GTSE1: variants seen among roughly 807,000 people sequenced by gnomAD.
GTSE1 encodes G2 and S phase-expressed protein 1.
Under a neutral mutation model 60.5 loss-of-function variants are expected in GTSE1, and 52 were observed. That is an observed-to-expected ratio of 0.86 (90% CI 0.69 to 1.08). The LOEUF is 1.08. Among genes scored for constraint, GTSE1 ranks in the 50% least tolerant of loss-of-function variants. The pLI is 0.00. For missense variants in GTSE1, 937 were observed against 961.8 expected, an observed-to-expected ratio of 0.97 and a Z score of 0.34; for synonymous variants, 368 against 386.5, an observed-to-expected ratio of 0.95 and a Z score of 0.56.
rs1024302071 is a variant in GTSE1, at chr22:46,317,715, G to T, written c.1432+1303G>T. On this transcript the variant is annotated intron_variant, in intron 7 of 11. Transcript: ENST00000454366. This position sits in a 1 kb window ranked among gnomAD's most constrained non-coding sequence, Gnocchi z 5.6. ...TTTATGCTTTGAAGTGGTGGGTCTA[G>T]CATAGCCTTTCCGCCTCCCGCCACC... is the stretch of plus-strand genomic sequence containing the variant. 2.6e-5 allele frequency among the ~76,000 whole-genome samples: 4 copies of T among 152,202 alleles called. No individual in the cohort carries two copies. Among genetic ancestry groups the T allele is most frequent in the African/African-American group, 9.6e-5 (4 of 41,452 alleles).
Position 46,328,803 on chromosome 22 carries a change from G to A in GTSE1, c.1840G>A (p.Glu614Lys), listed in dbSNP as rs772946279. The change falls in exon 10 of 12, where the codon GAA (glutamate) becomes AAA (lysine). Residue 614 changes from glutamate to lysine, a missense_variant. Glu to Lys is a moderately conservative substitution (Grantham distance 56). Coordinates refer to ENST00000454366, the MANE Select transcript of GTSE1 (RefSeq NM_016426.7). ...TCAGGCACTTAACTTTTCTCCAGAG[G>A]AAAGCGATTCTACTTTCTCCAAAAG... is the stretch of plus-strand genomic sequence containing the variant. ...VPQALNFSPE[E>K]SDSTFSKSTA... is the part of the protein sequence containing the mutation. The A allele has an allele frequency of 7.4e-6, 12 of 1,613,950 alleles. No individual in the cohort carries two copies. In the African/African-American group the frequency reaches 1.2e-4, roughly 16 times the overall value.
At position 46,310,639 on chromosome 22, in the gene GTSE1, A is replaced by G. The variant is rs925553699; in HGVS notation, c.763-1502A>G. On this transcript the variant is annotated intron_variant, in intron 4 of 11. Coordinates refer to ENST00000454366, the MANE Select transcript of GTSE1 (RefSeq NM_016426.7). This position sits in a 1 kb window ranked among gnomAD's most constrained non-coding sequence, Gnocchi z 4.4. ...CAATGGTTTATTTTTGGCAATAAAA[A>G]GAAACACTACTGGGCGTGGTAGCTC... 6.6e-6 allele frequency among the ~76,000 whole-genome samples: 1 copy of G among 152,232 alleles called. No homozygotes were observed. Among genetic ancestry groups the G allele is most frequent in the Non-Finnish European group, 1.5e-5 (1 of 68,050 alleles).
rs770216467 is a variant in GTSE1, at chr22:46,326,648, C to T, written c.1718C>T (p.Ala573Val). 2.5e-6 allele frequency: 4 copies of T among 1,604,948 alleles called. No homozygotes were observed. Among genetic ancestry groups the T allele is most frequent in the Non-Finnish European group, 3.4e-6 (4 of 1,174,262 alleles). ...TCCTCTGAGCCCCGCAAGAACTCTG[C>T]AATGAGGTAAGACACGAAGGTGGTA... is the stretch of plus-strand genomic sequence containing the variant. ...RRSSEPRKNS[A>V]MRTEPTRESN... The change falls in exon 9 of 12, where the codon GCA (alanine) becomes GTA (valine). Residue 573 changes from alanine (A) to valine (V), a missense_variant. Ala to Val is a moderately conservative substitution (Grantham distance 64). Coordinates refer to ENST00000454366, the MANE Select transcript of GTSE1 (RefSeq NM_016426.7).
chr22:46,308,151 C>T lies in GTSE1; in HGVS notation c.81C>T (p.Asp27=), dbSNP rs373401516. The T allele has an allele frequency of 3.7e-6, 6 of 1,606,476 alleles. No individual in the cohort carries two copies. Among genetic ancestry groups the T allele is most frequent in the Middle Eastern group, 1.6e-4 (1 of 6,068 alleles). Residue 27 remains aspartate, a splice_region_variant and synonymous_variant, in exon 3 of 12, where the codon GAC becomes GAT. Transcript: ENST00000454366. ...TAACAGTGGATTTTTTCCCTCTAGA[C>T]ATTCTTCTTTTGGCCGATGAAAAAT... ...DVNMDDPKKE[D]ILLLADEKFD...
chr22:46,326,563 A>AC lies in GTSE1; in HGVS notation c.1638dup (p.Lys547GlnfsTer21). The AC allele has an allele frequency of 1.2e-6, 2 of 1,613,582 alleles. No individual in the cohort carries two copies. The highest frequency in any genetic ancestry group is 1.1e-5 in the South Asian group (1 of 90,992). On this transcript the variant is annotated frameshift_variant, in exon 9 of 12. Transcript: ENST00000454366. LOFTEE classifies it high-confidence loss of function. ...GCGCTGCTCTGGCCTTCCACCGATG[A>AC]CCCCCAAAACGATGCCCAGGGCCGT... is the stretch of plus-strand genomic sequence containing the variant.
rs1442532925 is a variant in GTSE1, at chr22:46,321,045, G to C, written c.1433-2145G>C. Among the ~76,000 whole-genome samples the C allele has an allele frequency of 2.0e-5, 3 of 152,138 alleles. No homozygotes were observed. The highest frequency in any genetic ancestry group is 2.9e-5 in the Non-Finnish European group (2 of 68,000). ...GGCAAGGGAGAGGGAGGCGGCGAGGGAGAGAGAGGTGGGCTTGCCTCCACA... is the reference window on the plus strand; with the variant it reads ...GGCAAGGGAGAGGGAGGCGGCGAGGCAGAGAGAGGTGGGCTTGCCTCCACA... On this transcript the variant is annotated intron_variant, in intron 7 of 11. Coordinates refer to ENST00000454366, the MANE Select transcript of GTSE1 (RefSeq NM_016426.7). The surrounding 1 kb of genome is among the most constrained non-coding windows in gnomAD (Gnocchi z 4.0).
At chr22:46,311,235 G>T (rs190518822) in intron 4 of GTSE1, among the ~76,000 whole-genome samples, 2 of 151,838 alleles carry the variant, frequency 1.3e-5, no homozygotes, top group South Asian at 4.2e-4. Context: ...CCGCCACCAC[G>T]CCCGGCTAAT....
chr22:46,302,837 T>C (rs77010575), intron 2 of GTSE1, among the ~76,000 whole-genome samples: 2,200 of 152,246 alleles, frequency 0.014, 45 homozygotes, highest in African/African-American at 0.05. Flanking sequence ...CCAAACTTAG[T>C]TGGCATTTTT....
At chr22:46,326,744 GT>G in intron 9 of GTSE1, 90 bp downstream of exon 9, 1 of 853,520 alleles carries the variant, frequency 1.2e-6, no homozygotes, top group Non-Finnish European at 1.8e-6. Context: ...CTTGCTCCAG[GT>G]TTTAGTGAAG....
In GTSE1 at chr22:46,318,233, G is replaced by A. The variant is rs1030935039; in HGVS notation, c.1432+1821G>A. 3.9e-5 allele frequency among the ~76,000 whole-genome samples: 6 copies of A among 152,180 alleles called. No individual in the cohort carries two copies. The highest frequency in any genetic ancestry group is 1.3e-4 in the Admixed American group (2 of 15,276). ...AGAGCTGACTTAAGGTGAGAGGAGC[G>A]TCCTGGCCTCCTCTGTCAGGCAGAT... On this transcript the variant is annotated intron_variant, in intron 7 of 11. Coordinates refer to ENST00000454366, the MANE Select transcript of GTSE1 (RefSeq NM_016426.7). This position sits in a 1 kb window ranked among gnomAD's most constrained non-coding sequence, Gnocchi z 4.8.
At chr22:46,322,689 C>G (rs770191648) in intron 7 of GTSE1, among the ~76,000 whole-genome samples, 18 of 152,174 alleles carry the variant, frequency 1.2e-4, no homozygotes, top group Non-Finnish European at 2.2e-4. Flanking sequence ...TGCTTGTCAA[C>G]TAAAACAGCA....
chr22:46,323,555 C>T (rs2147831124), intron 8 of GTSE1, among the ~76,000 whole-genome samples: 1 of 152,344 alleles, frequency 6.6e-6, no homozygotes. Context: ...ACTGCCCGTG[C>T]CCAGCCCACC....
Position 46,329,932 on chromosome 22 carries a change from G to A in GTSE1, c.2137-115G>A, listed in dbSNP as rs867231589. ...GCCCAGAGTGCTTTTCAGTGCACCC[G>A]AGCCAGGATGAGCGAGTGGCTGTGA... On this transcript the variant is annotated intron_variant, in intron 11 of 11. Coordinates refer to ENST00000454366, the MANE Select transcript of GTSE1 (RefSeq NM_016426.7). The surrounding 1 kb of genome is among the most constrained non-coding windows in gnomAD (Gnocchi z 6.4). 1.1e-5 allele frequency: 8 copies of A among 712,570 alleles called. No individual in the cohort carries two copies. Among genetic ancestry groups the A allele is most frequent in the South Asian group, 6.2e-5 (4 of 64,666 alleles). The allele number at this position is 712,570 out of a possible 1,614,324, so 44.1% of individuals were successfully genotyped here.
rs373790328 is a variant in GTSE1, at chr22:46,328,074, T to C, written c.1725-614T>C. On this transcript the variant is annotated intron_variant, in intron 9 of 11. Transcript: ENST00000454366. ...TTAAAAAGAAGGTACTGTGTGTTAG[T>C]TGATGGACCTGCGGCTTTGCTGGGT... Among the ~76,000 whole-genome samples, 4 of 152,230 alleles carry C rather than the reference T, an allele frequency of 2.6e-5. No homozygotes were observed. The East Asian group carries it at 5.8e-4, about 22-fold the overall frequency.
rs746678772 is a variant in GTSE1 at position 46,326,642 on chromosome 22, A to G, written c.1712A>G (p.Asn571Ser). The G allele has an allele frequency of 5.6e-6, 9 of 1,608,634 alleles. No homozygotes were observed. In the South Asian group the frequency reaches 1.0e-4, roughly 18 times the overall value. ...AGACGTTCCTCTGAGCCCCGCAAGAACTCTGCAATGAGGTAAGACACGAAG... is the reference window on the plus strand; with the variant it reads ...AGACGTTCCTCTGAGCCCCGCAAGAGCTCTGCAATGAGGTAAGACACGAAG... ...ARRRSSEPRK[N>S]SAMRTEPTRE... The change falls in exon 9 of 12, where the codon AAC becomes AGC. Residue 571 changes from asparagine (N) to serine (S), a missense_variant. Transcript: ENST00000454366.
rs2077811914 is a variant in GTSE1 at position 46,321,423 on chromosome 22, C to G, written c.1433-1767C>G. On this transcript the variant is annotated intron_variant, in intron 7 of 11. Coordinates refer to ENST00000454366, the MANE Select transcript of GTSE1 (RefSeq NM_016426.7). The surrounding 1 kb of genome is among the most constrained non-coding windows in gnomAD (Gnocchi z 4.0). ...TGTTTCTTGTAAGAAAGAAAAGAAA[C>G]AAACAAACTGAAAACGGAGGTGGAG... Among the ~76,000 whole-genome samples the G allele has an allele frequency of 6.6e-6, 1 of 151,668 alleles. No individual in the cohort carries two copies. The highest frequency in any genetic ancestry group is 2.4e-5 in the African/African-American group (1 of 41,324).
At chr22:46,298,309 A>G (rs917044740) in intron 2 of GTSE1, among the ~76,000 whole-genome samples, 3 of 150,870 alleles carry the variant, frequency 2.0e-5, no homozygotes, top group Non-Finnish European at 4.4e-5. Flanking sequence ...CACACTACCC[A>G]AGGATCCTTT....
At chr22:46,307,545 C>A (rs2077722082) in intron 2 of GTSE1, among the ~76,000 whole-genome samples, 1 of 152,056 alleles carries the variant, frequency 6.6e-6, no homozygotes, top group African/African-American at 2.4e-5. Flanking sequence ...TTTCTGTCAC[C>A]CAGGCTGGAG....
chr22:46,328,549 G>T (rs1178728489), intron 9 of GTSE1, 139 bp from the exon 10 acceptor site: 2 of 629,464 alleles, frequency 3.2e-6, no homozygotes, highest in Non-Finnish European at 5.7e-6. Flanking sequence ...GGAAACTGGG[G>T]GTCTGGAGGG....
Sources: gnomAD v4.1 joint callset for allele counts (sites outside exome capture counted in the v4.1 genomes callset) on GRCh38, gnomAD v4.1.1 for gene constraint, Gnocchi (gnomAD v3.1) non-coding constraint, MANE v1.5 for transcripts, NCBI Gene and HGNC (gene_info 2026-07-23, HGNC 2026-07-21) for gene names.